CCDC85A: variants seen among roughly 807,000 people sequenced by gnomAD.
The protein encoded by CCDC85A is coiled-coil domain-containing protein 85A.
In CCDC85A, 38 loss-of-function variants were observed where a neutral mutation model predicts 50.2. That is an observed-to-expected ratio of 0.76 (90% CI 0.58 to 0.99). CCDC85A has a LOEUF of 0.99. Among genes scored for constraint, CCDC85A ranks in the 50% least tolerant of loss-of-function variants. The probability of loss-of-function intolerance (pLI) is 0.00; values close to 1 mark genes in which losing one functional copy is unlikely to be tolerated. For missense variants in CCDC85A, 820 were observed against 742.0 expected, an observed-to-expected ratio of 1.11 and a Z score of -1.22; for synonymous variants, 366 against 301.4, an observed-to-expected ratio of 1.21 and a Z score of -2.22.
chr2:56,201,744 A>G (rs1676756230), intron 2 of CCDC85A, among the ~76,000 whole-genome samples: 1 of 152,214 alleles, frequency 6.6e-6, no homozygotes, highest in Non-Finnish European at 1.5e-5. Context: ...TAATTCAGTT[A>G]AATGAGAATA....
At chr2:56,196,324 G>C (rs1676517306) in intron 2 of CCDC85A, among the ~76,000 whole-genome samples, 1 of 152,162 alleles carries the variant, frequency 6.6e-6, no homozygotes, top group Non-Finnish European at 1.5e-5. Context: ...TTTCAAATAG[G>C]AAGTAGATTC....
intron 2 of CCDC85A, among the ~76,000 whole-genome samples, chr2:56,199,559 T>C (rs1183981025): frequency 6.6e-6 from 1 of 152,140 alleles, no homozygotes; most frequent in African/African-American, 2.4e-5. Context: ...AATGGCCCTG[T>C]ATGAGTATTC....
intron 3 of CCDC85A, among the ~76,000 whole-genome samples, chr2:56,354,785 A>G (rs896017145): frequency 6.6e-6 from 1 of 152,222 alleles, no homozygotes; most frequent in Non-Finnish European, 1.5e-5. Flanking sequence ...GGGGCCTTCA[A>G]TGGCTTGGTA....
chr2:56,236,101 T>C (rs1291423046), intron 2 of CCDC85A, among the ~76,000 whole-genome samples: 4 of 152,178 alleles, frequency 2.6e-5, no homozygotes, highest in East Asian at 1.9e-4. Flanking sequence ...TGACCAAATA[T>C]AGTGTTTGAA....
chr2:56,193,149 T>G lies in CCDC85A; in HGVS notation c.949T>G (p.Phe317Val). ...KHVLSGSPEH[F>V]QKHRSGSSPE... is the part of the protein sequence containing the mutation. ...CGTGCTGAGTGGGAGCCCGGAACAC[T>G]TCCAGAAGCACCGGTCAGGGAGCAG... The change falls in exon 2 of 6, where the codon TTC becomes GTC. Residue 317 changes from phenylalanine (F) to valine (V), a missense_variant. By Grantham distance (50) the Phe-to-Val change is conservative. Transcript: ENST00000407595. The G allele has an allele frequency of 6.2e-7, 1 of 1,611,412 alleles. No homozygotes were observed. The highest frequency in any genetic ancestry group is 8.5e-7 in the Non-Finnish European group (1 of 1,178,744).
intron 2 of CCDC85A, among the ~76,000 whole-genome samples, chr2:56,342,389 A>C (rs1336169057): frequency 1.3e-5 from 2 of 152,184 alleles, no homozygotes; most frequent in African/African-American, 4.8e-5. Context: ...AAATAGCTAA[A>C]AGGGCTTAGA....
intron 1 of CCDC85A, among the ~76,000 whole-genome samples, chr2:56,188,838 CAT>C (rs1457191985): frequency 6.6e-6 from 1 of 152,202 alleles, no homozygotes; most frequent in Non-Finnish European, 1.5e-5. Context: ...TCCATAAACA[CAT>C]ATTGAGTGTC....
intron 2 of CCDC85A, among the ~76,000 whole-genome samples, chr2:56,271,344 G>C (rs191111242): frequency 6.6e-6 from 1 of 152,242 alleles, no homozygotes; most frequent in Non-Finnish European, 1.5e-5. Context: ...AGGAAGCTAA[G>C]CTATAGTGAA....
chr2:56,276,418 C>A (rs1371370683), intron 2 of CCDC85A, among the ~76,000 whole-genome samples: 2 of 152,158 alleles, frequency 1.3e-5, no homozygotes, highest in Middle Eastern at 3.4e-3. Context: ...TGAATTGTAA[C>A]TCCTGAAATT....
chr2:56,229,935 G>A (rs1281285693), intron 2 of CCDC85A, among the ~76,000 whole-genome samples: 2 of 152,150 alleles, frequency 1.3e-5, no homozygotes, highest in African/African-American at 2.4e-5. Flanking sequence ...GATGAATTTT[G>A]CCTGTAACAT....
chr2:56,342,273 A>G (rs987452386), intron 2 of CCDC85A, among the ~76,000 whole-genome samples: 1 of 152,048 alleles, frequency 6.6e-6, no homozygotes, highest in Non-Finnish European at 1.5e-5. Flanking sequence ...AGATTTGTGG[A>G]AAACGATTTG....
chr2:56,307,621 T>G (rs1327267740), intron 2 of CCDC85A, among the ~76,000 whole-genome samples: 2 of 152,224 alleles, frequency 1.3e-5, no homozygotes, highest in Admixed American at 1.3e-4. Context: ...TGGTTATTTC[T>G]TATCCTTATA....
chr2:56,214,806 T>G (rs1189842411), intron 2 of CCDC85A, among the ~76,000 whole-genome samples: 1 of 151,958 alleles, frequency 6.6e-6, no homozygotes, highest in Non-Finnish European at 1.5e-5. Flanking sequence ...GAAATTGGGT[T>G]GTGTGATTTC....
intron 2 of CCDC85A, among the ~76,000 whole-genome samples, chr2:56,196,181 T>C (rs1676512723): frequency 6.6e-6 from 1 of 152,212 alleles, no homozygotes; most frequent in Non-Finnish European, 1.5e-5. Flanking sequence ...AGTAGGTGTT[T>C]AGAAAACAAC....
At position 56,384,509 on chromosome 2, in the gene CCDC85A, C is replaced by T; in HGVS notation, c.*154C>T. 1.7e-6 allele frequency: 1 copy of T among 599,226 alleles called. No homozygotes were observed. The highest frequency in any genetic ancestry group is 3.0e-6 in the Non-Finnish European group (1 of 338,396). 37.1% of individuals were successfully genotyped at this position (599,226 alleles called of 1,614,324 possible). A position where few individuals can be genotyped will look rare whatever the true frequency, so the allele number is the denominator to read the frequency against. On this transcript the variant is annotated 3_prime_UTR_variant, in exon 6 of 6. Coordinates refer to ENST00000407595, the MANE Select transcript of CCDC85A (RefSeq NM_001080433.2). The stretch of plus-strand genomic sequence containing the variant: ...TATCTCCCCTCTAAAACCTGTAGTA[C>T]AACTTCTCCCCTCAAGCTGATATTC...
chr2:56,339,989 C>T (rs910149214), intron 2 of CCDC85A, among the ~76,000 whole-genome samples: 8 of 151,638 alleles, frequency 5.3e-5, no homozygotes, highest in African/African-American at 1.9e-4. Flanking sequence ...CAAATATCTT[C>T]AGTTTTCTTT....
chr2:56,276,175 G>A (rs1259541751), intron 2 of CCDC85A, among the ~76,000 whole-genome samples: 1 of 151,970 alleles, frequency 6.6e-6, no homozygotes, highest in Admixed American at 6.6e-5. Context: ...TTTCTTACTG[G>A]AACTTCTGAG....
In CCDC85A at chr2:56,195,741, G is replaced by T. The variant is rs894781254; in HGVS notation, c.1240+2301G>T. ...GCAGTATCAAGGTTAATTCAGAATT[G>T]CAGATTTGCTGACTCATTTCCAGAG... On this transcript the variant is annotated intron_variant, in intron 2 of 5. Transcript: ENST00000407595. Among the ~76,000 whole-genome samples the T allele has an allele frequency of 2.6e-5, 4 of 152,138 alleles. No individual in the cohort carries two copies. The South Asian group carries it at 8.3e-4, about 31-fold the overall frequency.
chr2:56,306,231 G>A (rs1357973281), intron 2 of CCDC85A, among the ~76,000 whole-genome samples: 1 of 152,076 alleles, frequency 6.6e-6, no homozygotes, highest in Non-Finnish European at 1.5e-5. Context: ...CCGGGTTCAA[G>A]CGATTCTCCT....
Sources: gnomAD v4.1 joint callset for allele counts (sites outside exome capture counted in the v4.1 genomes callset) on GRCh38, gnomAD v4.1.1 for gene constraint, MANE v1.5 for transcripts, NCBI Gene and HGNC (gene_info 2026-07-23, HGNC 2026-07-21) for gene names.